The following PNLIP variants were observed in gnomAD, a reference collection of about 807,000 sequenced individuals.
PNLIP encodes the protein pancreatic triacylglycerol lipase.
In PNLIP, 49 loss-of-function variants were observed where a neutral mutation model predicts 57.1. The observed-to-expected ratio is 0.86, with a 90% CI of 0.68 to 1.09. PNLIP has a LOEUF of 1.09. Ranked by LOEUF, PNLIP falls within the 50% of genes least tolerant of loss-of-function variation. The probability of loss-of-function intolerance (pLI) is 0.00; values close to 1 mark genes in which losing one functional copy is unlikely to be tolerated. For synonymous variants in PNLIP, 209 were observed against 200.4 expected, an observed-to-expected ratio of 1.04 and a Z score of -0.36; for missense variants, 503 against 570.2, an observed-to-expected ratio of 0.88 and a Z score of 1.20.
Position 116,557,314 on chromosome 10 carries a change from T to C in PNLIP, c.930+1196T>C, listed in dbSNP as rs912287947. Among the ~76,000 whole-genome samples, 6 of 152,162 alleles carry C rather than the reference T, an allele frequency of 3.9e-5. No individual in the cohort carries two copies. The South Asian group carries it at 8.3e-4, about 21-fold the overall frequency. ...TCTTTCAAGTGATACTCATCACTTG[T>C]ATAAGAAAAAATGTCTCAGTCTTGC... On this transcript the variant is annotated intron_variant, in intron 9 of 12. Transcript: ENST00000369221.
At chr10:116,547,210 C>A in intron 2 of PNLIP, 84 bp from the exon 3 acceptor site, 1 of 1,293,298 alleles carries the variant, frequency 7.7e-7, no homozygotes, top group Non-Finnish European at 1.1e-6. Flanking sequence ...GTCTACCACA[C>A]AGTGTAATTG....
At chr10:116,546,164 T>A (rs1298693389) in intron 2 of PNLIP, 26 bp downstream of exon 2, 2 of 1,604,846 alleles carry the variant, frequency 1.2e-6, no homozygotes, top group Non-Finnish European at 1.7e-6. Flanking sequence ...AATGTTGAGC[T>A]GGGAGAGATT....
intron 12 of PNLIP, among the ~76,000 whole-genome samples, chr10:116,566,564 G>A (rs368877762): frequency 1.3e-5 from 2 of 152,182 alleles, no homozygotes; most frequent in South Asian, 4.1e-4. Context: ...TTTATTCCAG[G>A]TAAATTAAAG....
intron 4 of PNLIP, among the ~76,000 whole-genome samples, chr10:116,550,257 A>C (rs12781842): frequency 2.0e-5 from 3 of 150,938 alleles, no homozygotes; most frequent in African/African-American, 7.3e-5. Flanking sequence ...ATGAGGTTTC[A>C]CCATGTTAGC....
rs2133196859 is a variant in PNLIP at position 116,547,187 on chromosome 10, G to A, written c.47-107G>A. On this transcript the variant is annotated intron_variant, in intron 2 of 12. Coordinates refer to ENST00000369221, the MANE Select transcript of PNLIP (RefSeq NM_000936.4). ...TGTGGCTAGGAGGGTGTTGAGAGTA[G>A]CAGAGGAGGAAAGTCTACCACACAG... The A allele has an allele frequency of 5.9e-6, 6 of 1,008,634 alleles. No individual in the cohort carries two copies. In the South Asian group the frequency reaches 6.6e-5, roughly 11 times the overall value. 62.5% of individuals were successfully genotyped at this position (1,008,634 alleles called of 1,614,324 possible). A position where few individuals can be genotyped will look rare whatever the true frequency, so the allele number is the denominator to read the frequency against.
intron 3 of PNLIP, among the ~76,000 whole-genome samples, chr10:116,547,819 A>T (rs1373153425): frequency 6.6e-6 from 1 of 151,884 alleles, no homozygotes; most frequent in Non-Finnish European, 1.5e-5. Flanking sequence ...AGAGAAAAAA[A>T]TCAGCCGTGA....
rs573299715 is a variant in PNLIP, at chr10:116,561,727, T to G, written c.1334+91T>G. The G allele has an allele frequency of 2.6e-6, 3 of 1,139,748 alleles. No homozygotes were observed. In the East Asian group the frequency reaches 7.1e-5, roughly 27 times the overall value. 70.6% of individuals were successfully genotyped at this position (1,139,748 alleles called of 1,614,324 possible). Reference sequence around the variant, plus strand: ...AAAGTCTAATTTAAGTGAAACCTCCTACAGGGGATCGCCTACATCCTAGTT... The same window carrying G: ...AAAGTCTAATTTAAGTGAAACCTCCGACAGGGGATCGCCTACATCCTAGTT... On this transcript the variant is annotated intron_variant, in intron 12 of 12. Transcript: ENST00000369221.
intron 12 of PNLIP, among the ~76,000 whole-genome samples, chr10:116,563,231 T>G (rs558315085): frequency 6.6e-6 from 1 of 152,296 alleles, no homozygotes; most frequent in African/African-American, 2.4e-5. Flanking sequence ...TTTGAATTTC[T>G]TTAGACTTTA....
chr10:116,555,805 C>T (rs1847247164), intron 8 of PNLIP, among the ~76,000 whole-genome samples, 195 bp from the exon 9 acceptor site: 1 of 152,102 alleles, frequency 6.6e-6, no homozygotes, highest in African/African-American at 2.4e-5. Context: ...ACAGTATTAC[C>T]TATTATAATC....
intron 10 of PNLIP, among the ~76,000 whole-genome samples, chr10:116,559,567 A>G (rs1450440399): frequency 6.6e-6 from 1 of 152,202 alleles, no homozygotes; most frequent in Non-Finnish European, 1.5e-5. Context: ...ATATTCAGTC[A>G]AAAGTTTCAC....
rs866343003 is a variant in PNLIP, at chr10:116,551,325, A to G, written c.459+93A>G. 1.0e-5 allele frequency: 9 copies of G among 899,826 alleles called. No individual in the cohort carries two copies. In the African/African-American group the frequency reaches 1.2e-4, roughly 12 times the overall value. The allele number at this position is 899,826 out of a possible 1,614,324, so 55.7% of individuals were successfully genotyped here. A position where few individuals can be genotyped will look rare whatever the true frequency, so the allele number is the denominator to read the frequency against. ...AAAAAAAGCCTGTAGATTTAATCAT[A>G]GATAAAGACACTTCTCTACTCAGAT... On this transcript the variant is annotated intron_variant, in intron 5 of 12. Transcript: ENST00000369221.
intron 2 of PNLIP, among the ~76,000 whole-genome samples, chr10:116,546,718 G>A (rs149330969): frequency 6.8e-4 from 103 of 152,286 alleles, no homozygotes; most frequent in African/African-American, 2.4e-3. Flanking sequence ...CATTAATCTA[G>A]ATTTATCCTC....
At chr10:116,562,526 A>G (rs1847325296) in intron 12 of PNLIP, among the ~76,000 whole-genome samples, 1 of 152,140 alleles carries the variant, frequency 6.6e-6, no homozygotes, top group African/African-American at 2.4e-5. Context: ...TGGACTCCTT[A>G]AGTTAAAGAA....
At chr10:116,547,544 G>A in intron 3 of PNLIP, 96 bp downstream of exon 3, 3 of 953,988 alleles carry the variant, frequency 3.1e-6, no homozygotes, top group Non-Finnish European at 4.8e-6. Context: ...GGCTAACATG[G>A]TGAAACCCCA....
At chr10:116,556,287 T>G (rs1338008324) in intron 9 of PNLIP, among the ~76,000 whole-genome samples, 169 bp downstream of exon 9, 1 of 152,252 alleles carries the variant, frequency 6.6e-6, no homozygotes, top group Non-Finnish European at 1.5e-5. Flanking sequence ...TTTAGAGAAA[T>G]GAGCTTGTAC....
Position 116,556,057 on chromosome 10 carries a change from G to A in PNLIP, c.869G>A (p.Ser290Asn), listed in dbSNP as rs1332713285. The part of the protein sequence containing the change: ...HLRSYKYYTD[S>N]IVNPDGFAGF... ...AGAAGCTACAAATATTACACTGATA[G>A]CATCGTCAACCCTGATGGCTTTGCT... Residue 290 changes from serine to asparagine, a missense_variant, in exon 9 of 13, where the codon AGC becomes AAC. Transcript: ENST00000369221. 2.2e-5 allele frequency: 36 copies of A among 1,613,882 alleles called. No individual in the cohort carries two copies. The highest frequency in any genetic ancestry group is 2.9e-5 in the Non-Finnish European group (34 of 1,179,918).
At chr10:116,564,151 C>T (rs993513978) in intron 12 of PNLIP, among the ~76,000 whole-genome samples, 18 of 152,220 alleles carry the variant, frequency 1.2e-4, no homozygotes, top group African/African-American at 4.3e-4. Context: ...GTAGAATGTA[C>T]ATTATTCAGG....
chr10:116,565,730 G>A (rs902762942), intron 12 of PNLIP, among the ~76,000 whole-genome samples: 1 of 152,102 alleles, frequency 6.6e-6, no homozygotes, highest in East Asian at 1.9e-4. Context: ...ACATCTCGCT[G>A]AGTCAGCGAT....
chr10:116,558,384 C>T (rs556396079), intron 9 of PNLIP, among the ~76,000 whole-genome samples: 54 of 150,934 alleles, frequency 3.6e-4, no homozygotes, highest in African/African-American at 1.2e-3. Context: ...TTAGTAGAGA[C>T]GGGGTTTCAC....
Sources: allele counts gnomAD v4.1 joint callset (sites outside exome capture counted in the v4.1 genomes callset), GRCh38; gene constraint gnomAD v4.1.1; transcripts MANE v1.5; gene names NCBI Gene and HGNC (gene_info 2026-07-23, HGNC 2026-07-21).